STK32A: variants seen among roughly 807,000 people sequenced by gnomAD.
STK32A encodes serine/threonine kinase 32A, also known as serine/threonine-protein kinase 32A.
A neutral mutation model predicts 53.2 loss-of-function variants in STK32A; 41 were observed. That is an observed-to-expected ratio of 0.77 (90% confidence interval 0.60 to 1.00). The LOEUF (loss-of-function observed/expected upper bound fraction) is 1.00, where lower values mean the gene tolerates loss of function less well. STK32A is among the 50% of genes least tolerant of loss of function. STK32A has a pLI of 0.00. For missense variants in STK32A, 458 were observed against 485.8 expected, an observed-to-expected ratio of 0.94 and a Z score of 0.54; for synonymous variants, 166 against 162.8, an observed-to-expected ratio of 1.02 and a Z score of -0.15.
chr5:147,250,214 T>G (rs1254592090), intron 2 of STK32A, among the ~76,000 whole-genome samples: 6 of 152,020 alleles, frequency 3.9e-5, no homozygotes, highest in African/African-American at 1.4e-4. Flanking sequence ...TAGAGTTCAC[T>G]TTTGGAGGCA....
intron 4 of STK32A, among the ~76,000 whole-genome samples, chr5:147,308,420 T>A (rs1176133946): frequency 1.3e-5 from 2 of 152,166 alleles, no homozygotes; most frequent in Non-Finnish European, 2.9e-5. Flanking sequence ...CTAAATTCTC[T>A]TATTAATTAT....
chr5:147,317,731 C>T (rs1344447132), intron 4 of STK32A, among the ~76,000 whole-genome samples: 1 of 152,008 alleles, frequency 6.6e-6, no homozygotes, highest in African/African-American at 2.4e-5. Context: ...TGGCAGTGGG[C>T]GGGCTTTGTT....
At chr5:147,401,571 T>C in the STK32A span, 1 of 1,613,148 alleles carries the variant, frequency 6.2e-7, no homozygotes, top group South Asian at 1.1e-5. Flanking sequence ...TAGTCCGGAG[T>C]AGTTGGGTCA....
intron 2 of STK32A, among the ~76,000 whole-genome samples, chr5:147,251,463 G>T (rs968709194): frequency 4.6e-5 from 7 of 152,214 alleles, no homozygotes; most frequent in Non-Finnish European, 2.9e-5. Flanking sequence ...GGCACAGGAA[G>T]ATTAAGCCAC....
At chr5:147,267,064 G>A (rs34183645) in intron 2 of STK32A, among the ~76,000 whole-genome samples, 2 of 151,656 alleles carry the variant, frequency 1.3e-5, no homozygotes, top group East Asian at 3.9e-4. Context: ...AACATTCTGG[G>A]CTGAAACAAA....
At chr5:147,306,452 A>G (rs1036697632) in intron 4 of STK32A, among the ~76,000 whole-genome samples, 3 of 151,924 alleles carry the variant, frequency 2.0e-5, no homozygotes, top group African/African-American at 7.2e-5. Context: ...GATATGTGGC[A>G]AAGAGAAAAA....
Position 147,373,091 on chromosome 5 carries a change from A to T in STK32A, c.778-78A>T. The T allele has an allele frequency of 2.5e-6, 4 of 1,578,296 alleles. No homozygotes were observed. The South Asian group carries it at 3.4e-5, about 14-fold the overall frequency. On this transcript the variant is annotated intron_variant, in intron 9 of 12. Transcript: ENST00000397936. Reference sequence around the variant, plus strand: ...TTCCTTCAGTCCTACAGTTGAAAGCATTTAGAGGGAATTTGTATGATTTTT... The same window carrying T: ...TTCCTTCAGTCCTACAGTTGAAAGCTTTTAGAGGGAATTTGTATGATTTTT...
intron 2 of STK32A, among the ~76,000 whole-genome samples, chr5:147,264,668 G>A (rs1754728691): frequency 1.3e-5 from 2 of 152,122 alleles, no homozygotes; most frequent in African/African-American, 4.8e-5. Flanking sequence ...TAAAACCAAA[G>A]GAGCAAGAAC....
At chr5:147,399,315 T>C in the STK32A span, 1 of 1,521,234 alleles carries the variant, frequency 6.6e-7, no homozygotes, top group Non-Finnish European at 8.8e-7. Context: ...TCAGGGCTTC[T>C]GAACTCAGAG....
chr5:147,349,187 CT>C (rs1169989103), intron 6 of STK32A, among the ~76,000 whole-genome samples: 1 of 152,044 alleles, frequency 6.6e-6, no homozygotes, highest in African/African-American at 2.4e-5. Flanking sequence ...GAGTGGCTAC[CT>C]TTTTTTTAGA....
At chr5:147,252,145 T>C (rs1236402545) in intron 2 of STK32A, among the ~76,000 whole-genome samples, 3 of 152,172 alleles carry the variant, frequency 2.0e-5, no homozygotes, top group African/African-American at 2.4e-5. Flanking sequence ...AGACCCTGTC[T>C]CACCAAAAAC....
intron 5 of STK32A, among the ~76,000 whole-genome samples, chr5:147,327,861 A>G (rs1446713693): frequency 6.6e-6 from 1 of 152,222 alleles, no homozygotes; most frequent in African/African-American, 2.4e-5. Context: ...GGAGCACGGG[A>G]CACCTATGCA....
intron 4 of STK32A, among the ~76,000 whole-genome samples, chr5:147,309,677 A>T (rs866261253): frequency 1.6e-4 from 24 of 152,204 alleles, no homozygotes; most frequent in African/African-American, 5.8e-4. Flanking sequence ...ATGCAATGTC[A>T]CTTTTTAAGA....
chr5:147,254,883 T>C (rs1754157604), intron 2 of STK32A, among the ~76,000 whole-genome samples: 1 of 152,052 alleles, frequency 6.6e-6, no homozygotes, highest in African/African-American at 2.4e-5. Context: ...CTCACGCCTG[T>C]AATCCCAGCA....
intron 8 of STK32A, among the ~76,000 whole-genome samples, chr5:147,364,215 C>CAAA (rs764357691): frequency 9.0e-5 from 6 of 66,834 alleles, no homozygotes; most frequent in South Asian, 5.5e-4. Context: ...AACTCCATCT[C>CAAA]AAAAAAAAAA....
chr5:147,359,207 T>C (rs562325304), intron 7 of STK32A, among the ~76,000 whole-genome samples: 12 of 152,168 alleles, frequency 7.9e-5, no homozygotes, highest in Non-Finnish European at 1.3e-4. Context: ...AGCCCTTCAA[T>C]ATCTTCCTGC....
At chr5:147,264,428 G>A (rs757226877) in intron 2 of STK32A, among the ~76,000 whole-genome samples, 2 of 152,194 alleles carry the variant, frequency 1.3e-5, no homozygotes, top group Non-Finnish European at 2.9e-5. Flanking sequence ...AACTGGAGAA[G>A]GGTTTGGGAT....
the STK32A span, among the ~76,000 whole-genome samples, chr5:147,398,855 T>G: frequency 3.9e-5 from 6 of 152,188 alleles, no homozygotes; most frequent in African/African-American, 1.4e-4. Context: ...AGAGGAAGCC[T>G]CTATTGGCCT....
rs1170155023 is a variant in STK32A at position 147,384,618 on chromosome 5, C to T, written c.*635C>T. ...TGCTGTGCACACCACTTCCCAGCTCCCTCTTCAACAATGTGAAAGTGGTAA... is the reference window on the plus strand; with the variant it reads ...TGCTGTGCACACCACTTCCCAGCTCTCTCTTCAACAATGTGAAAGTGGTAA... On this transcript the variant is annotated 3_prime_UTR_variant, in exon 13 of 13. Transcript: ENST00000397936. The T allele has an allele frequency of 4.4e-6, 2 of 455,718 alleles. No homozygotes were observed. The highest frequency in any genetic ancestry group is 5.7e-5 in the South Asian group (1 of 17,576). The allele number at this position is 455,718 out of a possible 1,614,324, so 28.2% of individuals were successfully genotyped here. A position where few individuals can be genotyped will look rare whatever the true frequency, so the allele number is the denominator to read the frequency against.
Sources: allele counts gnomAD v4.1 joint callset (sites outside exome capture counted in the v4.1 genomes callset), GRCh38; gene constraint gnomAD v4.1.1; transcripts MANE v1.5; gene names NCBI Gene and HGNC (gene_info 2026-07-23, HGNC 2026-07-21).